IGSF22: variants seen among roughly 807,000 people sequenced by gnomAD.
IGSF22 encodes the protein immunoglobulin superfamily member 22.
A neutral mutation model predicts 127.0 loss-of-function variants in IGSF22; 119 were observed. The ratio of observed to expected loss-of-function variants is 0.94; its 90% CI spans 0.81 to 1.09. IGSF22 has a LOEUF of 1.09. Among genes scored for constraint, IGSF22 ranks in the 50% least tolerant of loss-of-function variants. The pLI is 0.00. For synonymous variants in IGSF22, 568 were observed against 664.7 expected (o/e 0.85, Z 2.24); for missense variants, 1,518 against 1,716.6 (o/e 0.88, Z 2.04).
intron 4 of IGSF22, among the ~76,000 whole-genome samples, chr11:18,720,950 A>G (rs935065932): frequency 1.3e-5 from 2 of 152,198 alleles, no homozygotes; most frequent in African/African-American, 4.8e-5. Context: ...TTATAGGATC[A>G]TAAGTAATTA....
chr11:18,709,511 G>T lies in IGSF22; in HGVS notation c.2874C>A (p.Thr958=). The T allele has an allele frequency of 6.2e-7, 1 of 1,614,194 alleles. No homozygotes were observed. The highest frequency in any genetic ancestry group is 8.5e-7 in the Non-Finnish European group (1 of 1,180,052). The change falls in exon 18 of 23, where the codon ACC becomes ACA. Residue 958 remains threonine (T), a synonymous_variant. Coordinates refer to ENST00000513874, the MANE Select transcript of IGSF22 (RefSeq NM_173588.4). This position sits in a 1 kb window ranked among gnomAD's most constrained non-coding sequence, Gnocchi z 4.8. ...SKCTKIPISG[T]CYTVGGLIER... ...CGATGAGTCCTCCCACTGTGTAGCA[G>T]GTGCCTGAGATGGGGATCTTTGTGC... is the stretch of plus-strand genomic sequence containing the variant.
At chr11:18,708,952 C>T (rs1169987664) in intron 18 of IGSF22, among the ~76,000 whole-genome samples, 5 of 152,186 alleles carry the variant, frequency 3.3e-5, no homozygotes, top group Admixed American at 3.3e-4. Context: ...ACTGATGGCT[C>T]CACCTGGACC....
chr11:18,705,416 G>C (rs1201590874), intron 22 of IGSF22: 8 of 190,354 alleles, frequency 4.2e-5, no homozygotes, highest in South Asian at 1.2e-4. Flanking sequence ...CCTTATCCTA[G>C]ACCAGTTTTA....
chr11:18,712,449 C>G (rs1425263129), intron 14 of IGSF22, 65 bp from the exon 15 acceptor site: 3 of 1,425,132 alleles, frequency 2.1e-6, no homozygotes, highest in South Asian at 1.4e-5. Context: ...CCTCCTCCCA[C>G]TCACCAAAGG....
chr11:18,711,767 T>C (rs1848361222), intron 15 of IGSF22, among the ~76,000 whole-genome samples: 1 of 152,170 alleles, frequency 6.6e-6, no homozygotes, highest in Non-Finnish European at 1.5e-5. Context: ...TTCAAGGTTA[T>C]CCCTAAAGCA....
At chr11:18,706,673 G>C in intron 21 of IGSF22, 1 of 437,776 alleles carries the variant, frequency 2.3e-6, no homozygotes, top group Non-Finnish European at 4.0e-6. Context: ...ATGTCCCTCC[G>C]CAGCCCCTCC....
At chr11:18,705,745 G>T in intron 22 of IGSF22, 72 bp downstream of exon 22, 1 of 1,350,174 alleles carries the variant, frequency 7.4e-7, no homozygotes, top group South Asian at 1.4e-5. Flanking sequence ...CCAAATAGTT[G>T]ACCAATGGCC....
At chr11:18,710,954 T>C (rs971548943) in intron 15 of IGSF22, 126 bp from the exon 16 acceptor site, 2 of 832,932 alleles carry the variant, frequency 2.4e-6, no homozygotes, top group Non-Finnish European at 3.7e-6. Flanking sequence ...TCTTTTTCCT[T>C]TTTTAGAGAC....
At chr11:18,719,375 C>T (rs933070711) in intron 7 of IGSF22, among the ~76,000 whole-genome samples, 1 of 151,684 alleles carries the variant, frequency 6.6e-6, no homozygotes, top group Non-Finnish European at 1.5e-5. Context: ...TCATGTTGGC[C>T]AGGCTGGTCT....
In IGSF22 at chr11:18,706,716, A is replaced by T. The variant is rs1848242604; in HGVS notation, c.3580+198T>A. 7 of 499,066 alleles carry T rather than the reference A, an allele frequency of 1.4e-5. No homozygotes were observed. The South Asian group carries it at 2.2e-4, about 16-fold the overall frequency. 30.9% of individuals were successfully genotyped at this position (499,066 alleles called of 1,614,324 possible). A position where few individuals can be genotyped will look rare whatever the true frequency, so the allele number is the denominator to read the frequency against. On this transcript the variant is annotated intron_variant, in intron 21 of 22. Coordinates refer to ENST00000513874, the MANE Select transcript of IGSF22 (RefSeq NM_173588.4). ...TCTCTGCCCCCAAAGGTACCTCCCC[A>T]CCTCCACTTTAGTCTCACCCCTAAG...
At chr11:18,706,500 C>G (rs1041450712) in intron 21 of IGSF22, 1 of 395,978 alleles carries the variant, frequency 2.5e-6, no homozygotes, top group Non-Finnish European at 4.6e-6. Context: ...ACCACAGTCT[C>G]CCCTCTTATC....
intron 15 of IGSF22, 109 bp downstream of exon 15, chr11:18,711,973 C>T (rs1848365138): frequency 2.1e-6 from 2 of 937,864 alleles, no homozygotes; most frequent in African/African-American, 1.7e-5. Flanking sequence ...CATGAGACAG[C>T]CAGAGAGATG....
intron 9 of IGSF22, 49 bp from the exon 10 acceptor site, chr11:18,717,049 G>A (rs1442423351): frequency 1.3e-6 from 2 of 1,594,076 alleles, no homozygotes; most frequent in Admixed American, 1.7e-5. Context: ...CCCTCCTGAG[G>A]GGTGGAGTGG....
chr11:18,721,969 G>A lies in IGSF22; in HGVS notation c.182C>T (p.Pro61Leu). The A allele has an allele frequency of 6.2e-7, 1 of 1,614,054 alleles. No homozygotes were observed. Among genetic ancestry groups the A allele is most frequent in the South Asian group, 1.1e-5 (1 of 91,082 alleles). The change falls in exon 3 of 23, where the codon CCT becomes CTT. Residue 61 changes from proline (P) to leucine (L), a missense_variant. Physicochemically the swap from Pro to Leu is moderately conservative, Grantham distance 98 (BLOSUM62 -3). Transcript: ENST00000513874. ...GAACTCAGGGACGCTGTCGCCCGCA[G>A]GGATGTTTGAGCTCCGGGTCACTAA... Reference protein sequence around the residue: ...FSLVTRSSNIPAGDSVPEFVE... With the variant: ...FSLVTRSSNILAGDSVPEFVE...
In IGSF22 at chr11:18,706,105, C is replaced by T; in HGVS notation, c.3622G>A (p.Asp1208Asn). ...ACGAAGCGCGGCGCGTGGCGCCAGT[C>T]CTTCTTCTCGTAGGGCTTGAGCTTG... ...SAKLKPYEKKDWRHAPRFVTP... is the reference protein window; with the variant it reads ...SAKLKPYEKKNWRHAPRFVTP... The change falls in exon 22 of 23, where the codon GAC becomes AAC. Residue 1208 changes from aspartate to asparagine, a missense_variant. By Grantham distance (23) the Asp-to-Asn change is conservative. This residue lies in a region of IGSF22 where 1,456 missense variants were observed against 1,644.9 expected (regional missense o/e 0.89). Coordinates refer to ENST00000513874, the MANE Select transcript of IGSF22 (RefSeq NM_173588.4). 1 of 1,546,742 alleles carries T rather than the reference C, an allele frequency of 6.5e-7. No homozygotes were observed. Among genetic ancestry groups the T allele is most frequent in the Non-Finnish European group, 8.7e-7 (1 of 1,146,812 alleles).
intron 9 of IGSF22, 30 bp from the exon 10 acceptor site, chr11:18,717,030 T>C: frequency 6.2e-7 from 1 of 1,610,514 alleles, no homozygotes; most frequent in African/African-American, 1.3e-5. Flanking sequence ...TGGTAGTCAT[T>C]GGGCTGGTCC....
intron 22 of IGSF22, 151 bp downstream of exon 22, chr11:18,705,666 G>A: frequency 1.5e-6 from 1 of 658,172 alleles, no homozygotes; most frequent in Non-Finnish European, 2.6e-6. Flanking sequence ...ATGGGAGAGT[G>A]GTAAGAACTG....
Position 18,717,803 on chromosome 11 carries a change from C to T in IGSF22, c.973+128G>A, listed in dbSNP as rs1325075937. The stretch of plus-strand genomic sequence containing the variant: ...CTTCCTCCCTCCATTGACTCCCATC[C>T]CCACACAATCCTTTCTTGCACAGTC... On this transcript the variant is annotated intron_variant, in intron 9 of 22. Coordinates refer to ENST00000513874, the MANE Select transcript of IGSF22 (RefSeq NM_173588.4). 5 of 1,008,664 alleles carry T rather than the reference C, an allele frequency of 5.0e-6. No individual in the cohort carries two copies. In the African/African-American group the frequency reaches 8.0e-5, roughly 16 times the overall value. The allele number at this position is 1,008,664 out of a possible 1,614,324, so 62.5% of individuals were successfully genotyped here.
At position 18,716,851 on chromosome 11, in the gene IGSF22, T is replaced by C. The variant is rs1218891482; in HGVS notation, c.1123A>G (p.Ile375Val). The change falls in exon 10 of 23, where the codon ATC becomes GTC. Residue 375 changes from isoleucine (I) to valine (V), a missense_variant. Ile to Val is a conservative substitution (Grantham distance 29). Around this residue, in one of 3 missense-constraint regions of IGSF22, gnomAD observed 1,456 missense variants for 1,644.9 expected, o/e 0.89. Transcript: ENST00000513874. The surrounding 1 kb of genome is among the most constrained non-coding windows in gnomAD (Gnocchi z 4.5). ...KELKRDDKYE[I>V]TVSEDGLTHT... ...GTCAGACCATCTTCGGACACCGTGA[T>C]TTCATACTTGTCATCCCTCTTCAGC... 1 of 1,614,210 alleles carries C rather than the reference T, an allele frequency of 6.2e-7. No homozygotes were observed. The highest frequency in any genetic ancestry group is 2.2e-5 in the East Asian group (1 of 44,886).
Sources: allele counts gnomAD v4.1 joint callset (sites outside exome capture counted in the v4.1 genomes callset), GRCh38; gene constraint gnomAD v4.1.1; regional missense constraint gnomAD v4.1.1; non-coding constraint Gnocchi (gnomAD v3.1); transcripts MANE v1.5; gene names NCBI Gene and HGNC (gene_info 2026-07-23, HGNC 2026-07-21).